FILIP1L: variants seen among roughly 807,000 people sequenced by gnomAD.
FILIP1L encodes the protein filamin A interacting protein 1 like.
In FILIP1L, 55 loss-of-function variants were observed where a neutral mutation model predicts 96.6. The observed-to-expected ratio is 0.57, with a 90% CI of 0.46 to 0.71. FILIP1L has a LOEUF of 0.71. Ranked by LOEUF, FILIP1L falls within the 30% of genes least tolerant of loss-of-function variation. The pLI, the probability that FILIP1L is intolerant of heterozygous loss-of-function variation, is 0.00. For missense variants in FILIP1L, 1,304 were observed against 1,321.2 expected (o/e 0.99, Z 0.20); for synonymous variants, 467 against 473.9 (o/e 0.99, Z 0.19).
intron 4 of FILIP1L, among the ~76,000 whole-genome samples, chr3:99,872,884 T>C (rs904863947): frequency 6.6e-6 from 1 of 151,930 alleles, no homozygotes; most frequent in Non-Finnish European, 1.5e-5. Context: ...GAGACGATGT[T>C]AGTGCAGATG....
At chr3:99,969,843 G>C (rs1440367180) in intron 1 of FILIP1L, among the ~76,000 whole-genome samples, 9 of 152,130 alleles carry the variant, frequency 5.9e-5, no homozygotes, top group Admixed American at 2.0e-4. Flanking sequence ...TGTCACAAAG[G>C]GTATGTTAAA....
At chr3:100,094,001 T>C (rs867312872) in intron 1 of FILIP1L, among the ~76,000 whole-genome samples, 2 of 152,210 alleles carry the variant, frequency 1.3e-5, no homozygotes, top group Non-Finnish European at 1.5e-5. Flanking sequence ...GCTGGGTTCA[T>C]ATGGTAGTTT....
At chr3:99,834,362 G>T (rs769629417) in intron 5 of FILIP1L, among the ~76,000 whole-genome samples, 5 of 152,140 alleles carry the variant, frequency 3.3e-5, no homozygotes, top group Non-Finnish European at 5.9e-5. Context: ...AGAGTAAATA[G>T]GTGCCTTTAT....
intron 1 of FILIP1L, among the ~76,000 whole-genome samples, chr3:100,006,412 T>C (rs1709987069): frequency 6.6e-6 from 1 of 152,122 alleles, no homozygotes; most frequent in African/African-American, 2.4e-5. Flanking sequence ...TCCCCATAAT[T>C]ATCATAACTA....
chr3:100,036,094 A>G (rs924239731), intron 1 of FILIP1L, among the ~76,000 whole-genome samples: 1 of 152,218 alleles, frequency 6.6e-6, no homozygotes, highest in African/African-American at 2.4e-5. Flanking sequence ...GCATAAACTT[A>G]ATATAAAAGG....
At chr3:99,833,224 G>A (rs1942755500) in intron 5 of FILIP1L, 3 of 1,610,700 alleles carry the variant, frequency 1.9e-6, no homozygotes, top group Non-Finnish European at 2.5e-6. Context: ...AAAGTCTGAA[G>A]GATGTTGAGT....
At chr3:99,864,718 C>T (rs1944426677) in intron 4 of FILIP1L, among the ~76,000 whole-genome samples, 1 of 152,122 alleles carries the variant, frequency 6.6e-6, no homozygotes, top group Non-Finnish European at 1.5e-5. Context: ...CCTCTGCCCA[C>T]TCACCAGCTT....
chr3:99,848,548 T>C lies in FILIP1L; in HGVS notation c.3128A>G (p.Gln1043Arg), dbSNP rs776719704. 4.3e-6 allele frequency: 7 copies of C among 1,614,130 alleles called. No individual in the cohort carries two copies. Among genetic ancestry groups the C allele is most frequent in the Non-Finnish European group, 5.1e-6 (6 of 1,180,054 alleles). Residue 1043 changes from glutamine (Q) to arginine (R), a missense_variant, in exon 5 of 6, where the codon CAG (glutamine) becomes CGG (arginine). Transcript: ENST00000477258. The stretch of plus-strand genomic sequence containing the variant: ...GCTATTGCTGTTTGAACGCTGAAAC[T>C]GCCATGATGACTGCCGGTCTGGGGA... ...RVSPDRQSSW[Q>R]FQRSNSNSSS...
chr3:100,037,961 G>T lies in FILIP1L; in HGVS notation c.-11+76092C>A, dbSNP rs371591287. Among the ~76,000 whole-genome samples the T allele has an allele frequency of 5.3e-5, 7 of 132,514 alleles. No individual in the cohort carries two copies. In the East Asian group the frequency reaches 9.4e-4, roughly 18 times the overall value. The allele number at this position is 132,514 out of a possible 152,430, so 86.9% of individuals were successfully genotyped here. On this transcript the variant is annotated intron_variant, in intron 1 of 5. Coordinates refer to ENST00000477258, the MANE Select transcript of FILIP1L (RefSeq NM_001387850.1). Reference sequence around the variant, plus strand: ...TTTCTTTTTTTTTTTTTTTTTGGGGGGGGAGGGAACAGAGTCTCAAATCTC... The same window carrying T: ...TTTCTTTTTTTTTTTTTTTTTGGGGTGGGAGGGAACAGAGTCTCAAATCTC...
chr3:99,985,372 A>G (rs1297588790), intron 1 of FILIP1L, among the ~76,000 whole-genome samples: 1 of 152,044 alleles, frequency 6.6e-6, no homozygotes, highest in Non-Finnish European at 1.5e-5. Flanking sequence ...TCTCTACAAC[A>G]AATAGAAAAA....
intron 1 of FILIP1L, among the ~76,000 whole-genome samples, chr3:99,972,314 A>G (rs1367700433): frequency 3.3e-5 from 5 of 152,196 alleles, no homozygotes; most frequent in Non-Finnish European, 7.3e-5. Flanking sequence ...CTTAGATGCC[A>G]GGGATTTGCA....
intron 1 of FILIP1L, among the ~76,000 whole-genome samples, chr3:100,056,111 C>T (rs1259032266): frequency 6.6e-6 from 1 of 152,000 alleles, no homozygotes; most frequent in Non-Finnish European, 1.5e-5. Flanking sequence ...TAAGCTGGGG[C>T]CTGAAGGGAA....
intron 1 of FILIP1L, among the ~76,000 whole-genome samples, chr3:100,037,850 A>G (rs1346245913): frequency 6.6e-6 from 1 of 151,716 alleles, no homozygotes; most frequent in Non-Finnish European, 1.5e-5. Context: ...CTAAAGCTCT[A>G]CTAATTTCTT....
chr3:99,865,975 T>C (rs1576528441), intron 4 of FILIP1L, among the ~76,000 whole-genome samples: 1 of 152,194 alleles, frequency 6.6e-6, no homozygotes, highest in East Asian at 1.9e-4. Flanking sequence ...TCTTCCCAGG[T>C]CACAGGTTAT....
At chr3:99,915,045 A>G (rs746251665) in intron 4 of FILIP1L, among the ~76,000 whole-genome samples, 22 of 152,132 alleles carry the variant, frequency 1.4e-4, no homozygotes, top group African/African-American at 5.3e-4. Flanking sequence ...CCCTTTTAGG[A>G]TCATTTTTTT....
intron 1 of FILIP1L, among the ~76,000 whole-genome samples, chr3:100,045,102 T>G (rs1469250083): frequency 6.6e-6 from 1 of 152,244 alleles, no homozygotes; most frequent in Admixed American, 6.5e-5. Flanking sequence ...AAAACAGATC[T>G]GGCGCTCACA....
intron 1 of FILIP1L, among the ~76,000 whole-genome samples, chr3:100,111,716 C>G (rs1318419576): frequency 6.6e-6 from 1 of 152,130 alleles, no homozygotes; most frequent in East Asian, 1.9e-4. Context: ...TCTTAGACTT[C>G]CTGTCTGACC....
intron 4 of FILIP1L, among the ~76,000 whole-genome samples, chr3:99,916,663 A>T (rs1240719651): frequency 6.6e-6 from 1 of 152,172 alleles, no homozygotes; most frequent in Non-Finnish European, 1.5e-5. Context: ...ACAAGATTAA[A>T]TGCTTTGCCC....
intron 5 of FILIP1L, among the ~76,000 whole-genome samples, chr3:99,830,827 G>A (rs899810425): frequency 1.3e-5 from 2 of 152,148 alleles, no homozygotes; most frequent in African/African-American, 2.4e-5. Flanking sequence ...TAGAGATAGT[G>A]GTAGATACAG....
Sources: allele counts gnomAD v4.1 joint callset (sites outside exome capture counted in the v4.1 genomes callset), GRCh38; gene constraint gnomAD v4.1.1; transcripts MANE v1.5; gene names NCBI Gene and HGNC (gene_info 2026-07-23, HGNC 2026-07-21).